The following PARP15 variants were observed in gnomAD, a reference collection of about 807,000 sequenced individuals.
PARP15 encodes protein mono-ADP-ribosyltransferase PARP15.
Under a neutral mutation model 62.1 loss-of-function variants are expected in PARP15, and 50 were observed. That is an observed-to-expected ratio of 0.81 (90% CI 0.64 to 1.02). The LOEUF is 1.02. PARP15 is among the 50% of genes least tolerant of loss of function. The pLI, the probability that PARP15 is intolerant of heterozygous loss-of-function variation, is 0.00. For synonymous variants in PARP15, 309 were observed against 293.1 expected, an observed-to-expected ratio of 1.05 and a Z score of -0.55; for missense variants, 820 against 826.5, an observed-to-expected ratio of 0.99 and a Z score of 0.10.
chr3:122,636,187 G>T lies in PARP15; in HGVS notation c.*87G>T. 1 of 1,358,886 alleles carries T rather than the reference G, an allele frequency of 7.4e-7. No homozygotes were observed. The highest frequency in any genetic ancestry group is 9.9e-7 in the Non-Finnish European group (1 of 1,007,344). The allele number at this position is 1,358,886 out of a possible 1,614,324, so 84.2% of individuals were successfully genotyped here. ...TCTTTGCTTCTGGCCTGTGTAAGCA[G>T]ATGAAAGTTTCCCTTTTAGGTGCCA... is the stretch of plus-strand genomic sequence containing the variant. On this transcript the variant is annotated 3_prime_UTR_variant, in exon 12 of 12. Transcript: ENST00000464300.
intron 4 of PARP15, among the ~76,000 whole-genome samples, chr3:122,614,375 T>C (rs1474225730): frequency 6.6e-6 from 1 of 152,222 alleles, no homozygotes; most frequent in Non-Finnish European, 1.5e-5. Context: ...TTCTTAGTTA[T>C]ACTTACCCAT....
chr3:122,619,688 A>C (rs1280024316), intron 6 of PARP15, 93 bp from the exon 7 acceptor site: 1 of 1,103,446 alleles, frequency 9.1e-7, no homozygotes, highest in African/African-American at 1.6e-5. Flanking sequence ...TTATGCACAA[A>C]AGGGTGAGTT....
chr3:122,608,451 G>A (rs1387080015), intron 2 of PARP15, among the ~76,000 whole-genome samples: 1 of 151,782 alleles, frequency 6.6e-6, no homozygotes, highest in African/African-American at 2.4e-5. Flanking sequence ...CCTGACCTCA[G>A]GTGATCTGCC....
intron 7 of PARP15, 84 bp downstream of exon 7, chr3:122,619,927 G>C: frequency 7.7e-7 from 1 of 1,293,612 alleles, no homozygotes. Flanking sequence ...GAGGACTGGA[G>C]GTGGAGTAAG....
At chr3:122,594,664 C>T in intron 1 of PARP15, 1 of 917,816 alleles carries the variant, frequency 1.1e-6, no homozygotes. Context: ...GTTATCGCCT[C>T]TAAATCAAAT....
At chr3:122,607,484 A>C (rs1337340000) in intron 2 of PARP15, among the ~76,000 whole-genome samples, 2 of 152,178 alleles carry the variant, frequency 1.3e-5, no homozygotes, top group Non-Finnish European at 2.9e-5. Context: ...AAATGAAATA[A>C]TTCATATAAA....
chr3:122,622,102 TC>T (rs1475404170), intron 8 of PARP15, among the ~76,000 whole-genome samples: 1 of 152,198 alleles, frequency 6.6e-6, no homozygotes, highest in East Asian at 1.9e-4. Context: ...CCCACCCCTT[TC>T]TTCTTTATTT....
At position 122,596,605 on chromosome 3, in the gene PARP15, C is replaced by T. The variant is rs139552003; in HGVS notation, c.187-9331C>T. Among the ~76,000 whole-genome samples the T allele has an allele frequency of 6.4e-3, 967 of 152,240 alleles. 7 individuals carry two copies. The highest frequency in any genetic ancestry group is 0.014 in the Middle Eastern group (4 of 294). Reference sequence around the variant, plus strand: ...TCAAGATATATTCAGAATCTGATCACTTGTCAAATAAAACATAAAGCATTT... The same window carrying T: ...TCAAGATATATTCAGAATCTGATCATTTGTCAAATAAAACATAAAGCATTT... On this transcript the variant is annotated intron_variant, in intron 1 of 11. Coordinates refer to ENST00000464300, the MANE Select transcript of PARP15 (RefSeq NM_001113523.3).
rs995346515 is a variant in PARP15, at chr3:122,607,618, A to C, written c.306+1563A>C. ...AATTAGTACTACAACCTAATGAAGAAATATATGACTTACCCACATTTTATA... is the reference window on the plus strand; with the variant it reads ...AATTAGTACTACAACCTAATGAAGACATATATGACTTACCCACATTTTATA... On this transcript the variant is annotated intron_variant, in intron 2 of 11. Transcript: ENST00000464300. Among the ~76,000 whole-genome samples the C allele has an allele frequency of 2.0e-5, 3 of 152,358 alleles. No individual in the cohort carries two copies. The East Asian group carries it at 5.8e-4, about 29-fold the overall frequency.
At chr3:122,622,079 A>G (rs1936390099) in intron 8 of PARP15, among the ~76,000 whole-genome samples, 1 of 152,212 alleles carries the variant, frequency 6.6e-6, no homozygotes, top group Non-Finnish European at 1.5e-5. Flanking sequence ...GATTACAGGC[A>G]TGGGCCACTG....
rs540756614 is a variant in PARP15 at position 122,602,306 on chromosome 3, T to C, written c.187-3630T>C. The stretch of plus-strand genomic sequence containing the variant: ...ATTCATCTCCTGATCAGATGGTACG[T>C]AGACAATAACTGACTGGTATGGAGG... On this transcript the variant is annotated intron_variant, in intron 1 of 11. Transcript: ENST00000464300. Among the ~76,000 whole-genome samples, 13 of 152,256 alleles carry C rather than the reference T, an allele frequency of 8.5e-5. No individual in the cohort carries two copies. In the South Asian group the frequency reaches 2.7e-3, roughly 32 times the overall value.
At chr3:122,578,498 T>A (rs1054931466) in intron 1 of PARP15, among the ~76,000 whole-genome samples, 2 of 152,218 alleles carry the variant, frequency 1.3e-5, no homozygotes, top group South Asian at 4.1e-4. Context: ...GTCGTCACTG[T>A]CCCAGTAACT....
intron 2 of PARP15, among the ~76,000 whole-genome samples, chr3:122,607,266 G>T (rs1411621518): frequency 1.3e-5 from 2 of 152,172 alleles, no homozygotes; most frequent in African/African-American, 4.8e-5. Context: ...AGAACTGGAT[G>T]ATATAAAAGG....
intron 5 of PARP15, among the ~76,000 whole-genome samples, chr3:122,616,257 G>A (rs1168362173): frequency 6.6e-6 from 1 of 151,524 alleles, no homozygotes; most frequent in Non-Finnish European, 1.5e-5. Context: ...GCACAGCTAA[G>A]TTGTAAGCCT....
rs1300399627 is a variant in PARP15 at position 122,610,552 on chromosome 3, C to T, written c.365C>T (p.Ser122Phe). Reference protein sequence around the residue: ...MNLQLGGGPLSRAFLQKAGPM... With the variant: ...MNLQLGGGPLFRAFLQKAGPM... ...CTTCAGCTTGGAGGAGGACCACTAT[C>T]TCGGGCATTTTTGCAGAAAGCTGGT... is the stretch of plus-strand genomic sequence containing the variant. Residue 122 changes from serine (S) to phenylalanine (F), a missense_variant, in exon 3 of 12, where the codon TCT becomes TTT. Ser to Phe is a radical substitution (Grantham distance 155). Around this residue, in one of 3 missense-constraint regions of PARP15, gnomAD observed 731 missense variants for 727.7 expected, o/e 1.00. Coordinates refer to ENST00000464300, the MANE Select transcript of PARP15 (RefSeq NM_001113523.3). 1.9e-6 allele frequency: 3 copies of T among 1,551,624 alleles called. No individual in the cohort carries two copies. In the African/African-American group the frequency reaches 4.1e-5, roughly 21 times the overall value.
intron 11 of PARP15, among the ~76,000 whole-genome samples, chr3:122,635,553 C>T (rs774331328): frequency 6.6e-5 from 10 of 151,980 alleles, no homozygotes; most frequent in Non-Finnish European, 1.2e-4. Flanking sequence ...GGATTACAGG[C>T]ATGCACCACT....
chr3:122,589,959 C>T (rs1014300815), intron 1 of PARP15, among the ~76,000 whole-genome samples: 3 of 145,088 alleles, frequency 2.1e-5, no homozygotes, highest in Non-Finnish European at 4.5e-5. Context: ...AATCTTGGCT[C>T]ACTGCAAGCT....
intron 2 of PARP15, among the ~76,000 whole-genome samples, chr3:122,609,715 A>AG (rs1487457625): frequency 1.3e-5 from 2 of 151,846 alleles, no homozygotes; most frequent in African/African-American, 4.9e-5. Flanking sequence ...AAAAATTAAA[A>AG]AAAAAAAAGG....
intron 4 of PARP15, among the ~76,000 whole-genome samples, chr3:122,613,605 A>G (rs944997196): frequency 1.3e-5 from 2 of 152,212 alleles, no homozygotes; most frequent in African/African-American, 4.8e-5. Context: ...AGAAGCCTCA[A>G]GGATTTAGTT....
Sources: allele counts gnomAD v4.1 joint callset (sites outside exome capture counted in the v4.1 genomes callset), GRCh38; gene constraint gnomAD v4.1.1; regional missense constraint gnomAD v4.1.1; transcripts MANE v1.5; gene names NCBI Gene and HGNC (gene_info 2026-07-23, HGNC 2026-07-21).